GPR39: variants seen among roughly 807,000 people sequenced by gnomAD.
GPR39 encodes the protein G protein-coupled receptor 39.
A neutral mutation model predicts 18.4 loss-of-function variants in GPR39; 23 were observed. The ratio of observed to expected loss-of-function variants is 1.25; its 90% confidence interval spans 0.90 to 1.77. The LOEUF (loss-of-function observed/expected upper bound fraction) is 1.77. Among genes scored for constraint, GPR39 ranks in the 40% most tolerant of loss-of-function variants. GPR39 has a pLI of 0.00. For synonymous variants in GPR39, 280 were observed against 257.9 expected (o/e 1.09, Z -0.82); for missense variants, 647 against 602.4 (o/e 1.07, Z -0.78).
chr2:132,570,646 GAAGA>G (rs1680426524), intron 1 of GPR39, among the ~76,000 whole-genome samples: 1 of 152,182 alleles, frequency 6.6e-6, no homozygotes, highest in African/African-American at 2.4e-5. Flanking sequence ...ACCCAGGAAG[GAAGA>G]ATTGTCCAGA....
At chr2:132,493,975 G>A (rs962386452) in intron 1 of GPR39, among the ~76,000 whole-genome samples, 2 of 152,254 alleles carry the variant, frequency 1.3e-5, no homozygotes, top group Non-Finnish European at 2.9e-5. Context: ...AAGACTGAAA[G>A]TATTTCCAGT....
chr2:132,473,723 G>A (rs183485600), intron 1 of GPR39, among the ~76,000 whole-genome samples: 1 of 152,284 alleles, frequency 6.6e-6, no homozygotes, highest in East Asian at 1.9e-4. Context: ...GCTCCATCTG[G>A]TTTCTGCAGA....
chr2:132,445,753 C>T (rs1272142884), intron 1 of GPR39, among the ~76,000 whole-genome samples: 1 of 152,062 alleles, frequency 6.6e-6, no homozygotes, highest in Non-Finnish European at 1.5e-5. Context: ...CAATGCTGAC[C>T]CTATGAGGAA....
intron 1 of GPR39, among the ~76,000 whole-genome samples, chr2:132,533,895 GA>G (rs1679691265): frequency 6.6e-6 from 1 of 152,166 alleles, no homozygotes; most frequent in African/African-American, 2.4e-5. Flanking sequence ...AACCCTAGAA[GA>G]AAACCTACGA....
intron 1 of GPR39, among the ~76,000 whole-genome samples, chr2:132,600,689 T>C (rs1393429532): frequency 6.6e-6 from 1 of 152,006 alleles, no homozygotes; most frequent in Non-Finnish European, 1.5e-5. Flanking sequence ...AGACCAACAA[T>C]GAGTAACAAG....
At chr2:132,553,875 G>C (rs1017454447) in intron 1 of GPR39, among the ~76,000 whole-genome samples, 1 of 152,128 alleles carries the variant, frequency 6.6e-6, no homozygotes, top group Non-Finnish European at 1.5e-5. Flanking sequence ...ACACCACCAG[G>C]TAACATCAGG....
intron 1 of GPR39, among the ~76,000 whole-genome samples, chr2:132,575,716 C>T (rs3109152): frequency 0.67 from 102,339 of 152,100 alleles, 35,801 homozygotes; most frequent in East Asian, 0.92. Flanking sequence ...ATTGAATGTC[C>T]TGCATGTGCT....
intron 1 of GPR39, among the ~76,000 whole-genome samples, chr2:132,558,978 A>G (rs1206153021): frequency 1.3e-5 from 2 of 152,310 alleles, no homozygotes; most frequent in East Asian, 3.9e-4. Context: ...AAGAAATAGA[A>G]AAAAGGCAAA....
chr2:132,603,681 G>A (rs1223419608), intron 1 of GPR39, among the ~76,000 whole-genome samples: 1 of 152,142 alleles, frequency 6.6e-6, no homozygotes, highest in Non-Finnish European at 1.5e-5. Context: ...AGGAGAAAAG[G>A]TGATCACAAA....
At chr2:132,641,080 C>G (rs1681849132) in intron 1 of GPR39, among the ~76,000 whole-genome samples, 1 of 152,222 alleles carries the variant, frequency 6.6e-6, no homozygotes, top group Non-Finnish European at 1.5e-5. Context: ...ATTTTCCCCA[C>G]CTCCAGTTGA....
At chr2:132,534,429 G>T (rs1159382470) in intron 1 of GPR39, among the ~76,000 whole-genome samples, 2 of 149,352 alleles carry the variant, frequency 1.3e-5, no homozygotes, top group Non-Finnish European at 1.5e-5. Flanking sequence ...AAGTCAGTGT[G>T]GCAATTCCTC....
At chr2:132,532,830 T>C (rs1410080228) in intron 1 of GPR39, among the ~76,000 whole-genome samples, 1 of 152,228 alleles carries the variant, frequency 6.6e-6, no homozygotes, top group Non-Finnish European at 1.5e-5. Context: ...AAATTAGGTA[T>C]TGATGGGACA....
intron 1 of GPR39, among the ~76,000 whole-genome samples, chr2:132,538,036 G>A (rs1334353245): frequency 6.6e-6 from 1 of 152,012 alleles, no homozygotes; most frequent in African/African-American, 2.4e-5. Context: ...ACCTTCTGAA[G>A]CCTACTTTTG....
intron 1 of GPR39, among the ~76,000 whole-genome samples, chr2:132,565,490 G>A (rs1053323942): frequency 4.0e-5 from 6 of 149,516 alleles, no homozygotes; most frequent in Non-Finnish European, 5.9e-5. Flanking sequence ...ATGCTGGTGC[G>A]CTGCATCCAC....
Position 132,645,935 on chromosome 2 carries a change from C to G in GPR39, c.*329C>G. On this transcript the variant is annotated 3_prime_UTR_variant, in exon 2 of 2. Transcript: ENST00000329321. ...GAACAAAAGAGAACACGGACTCCCG[C>G]TCCCTACCCAGAATAAAAGGACACC... The G allele has an allele frequency of 1.2e-6, 1 of 800,888 alleles. No homozygotes were observed. The highest frequency in any genetic ancestry group is 1.9e-6 in the Non-Finnish European group (1 of 516,118). The allele number at this position is 800,888 out of a possible 1,614,324, so 49.6% of individuals were successfully genotyped here.
chr2:132,430,742 G>C (rs1680211373), intron 1 of GPR39, among the ~76,000 whole-genome samples: 1 of 152,184 alleles, frequency 6.6e-6, no homozygotes, highest in Non-Finnish European at 1.5e-5. Context: ...CATGCAGTGA[G>C]AGGCGTGGTC....
At chr2:132,546,337 AG>A (rs1178568501) in intron 1 of GPR39, among the ~76,000 whole-genome samples, 2 of 152,196 alleles carry the variant, frequency 1.3e-5, no homozygotes, top group African/African-American at 2.4e-5. Flanking sequence ...GAGGCCCCAC[AG>A]GGCACAGCAA....
chr2:132,582,481 C>T (rs1230171883), intron 1 of GPR39, among the ~76,000 whole-genome samples: 3 of 152,202 alleles, frequency 2.0e-5, no homozygotes, highest in African/African-American at 7.2e-5. Context: ...TTTGCTGGCT[C>T]CATTCTCCAG....
chr2:132,597,909 C>T (rs575443570), intron 1 of GPR39, among the ~76,000 whole-genome samples: 5 of 152,290 alleles, frequency 3.3e-5, no homozygotes, highest in Non-Finnish European at 5.9e-5. Flanking sequence ...GATCCCATAC[C>T]CAAAGTCTAG....
Sources: gnomAD v4.1 joint callset for allele counts (sites outside exome capture counted in the v4.1 genomes callset) on GRCh38, gnomAD v4.1.1 for gene constraint, MANE v1.5 for transcripts, NCBI Gene and HGNC (gene_info 2026-07-23, HGNC 2026-07-21) for gene names.